The following INSR variants were observed in gnomAD, a reference collection of about 807,000 sequenced individuals.
The protein encoded by INSR is insulin receptor, also known as IR.
Under a neutral mutation model 142.6 loss-of-function variants are expected in INSR, and 67 were observed. That is an observed-to-expected ratio of 0.47 (90% CI 0.39 to 0.58). The LOEUF (loss-of-function observed/expected upper bound fraction) is 0.58, where lower values mean the gene tolerates loss of function less well. Ranked by LOEUF, INSR falls within the 20% of genes least tolerant of loss-of-function variation. The pLI is 0.00. For synonymous variants in INSR, 756 were observed against 743.1 expected (o/e 1.02, Z -0.28); for missense variants, 1,248 against 1,833.2 (o/e 0.68, Z 5.83).
rs1046835448 is a variant in INSR at position 7,197,819 on chromosome 19, CGAGA to C, written c.653-13186_653-13183del. ...GTCGGTTCCAGAGTGGGAGAGAGAG[CGAGA>C]GAGAGAGAGAACGAGAGAGAGAGAG... is the stretch of plus-strand genomic sequence containing the variant. On this transcript the variant is annotated intron_variant, in intron 2 of 21. Coordinates refer to ENST00000302850, the MANE Select transcript of INSR (RefSeq NM_000208.4). 2.9e-4 allele frequency among the ~76,000 whole-genome samples: 22 copies of C among 75,788 alleles called. 2 individuals carry two copies. Among genetic ancestry groups the C allele is most frequent in the East Asian group, 1.3e-3 (4 of 3,006 alleles). The allele number at this position is 75,788 out of a possible 152,430, so 49.7% of individuals were successfully genotyped here.
chr19:7,189,636 A>C (rs2145004212), intron 2 of INSR, among the ~76,000 whole-genome samples: 1 of 152,146 alleles, frequency 6.6e-6, no homozygotes, highest in African/African-American at 2.4e-5. Context: ...GCACTAGTTA[A>C]ATGTACCTGT....
chr19:7,239,855 C>T (rs1448789941), intron 2 of INSR, among the ~76,000 whole-genome samples: 1 of 152,088 alleles, frequency 6.6e-6, no homozygotes, highest in East Asian at 1.9e-4. Context: ...CTTAAGAACT[C>T]ATGCAGCAGG....
chr19:7,155,654 T>C (rs1393048714), intron 9 of INSR, among the ~76,000 whole-genome samples: 3 of 150,968 alleles, frequency 2.0e-5, no homozygotes, highest in Non-Finnish European at 4.4e-5. Context: ...GGCTCTTGCC[T>C]GTAATACCAG....
chr19:7,126,389 G>A (rs1323799842), intron 16 of INSR, among the ~76,000 whole-genome samples, 195 bp downstream of exon 16: 1 of 152,242 alleles, frequency 6.6e-6, no homozygotes, highest in Non-Finnish European at 1.5e-5. Context: ...ATTCAGGCAG[G>A]TGCCAAATAC....
intron 2 of INSR, among the ~76,000 whole-genome samples, chr19:7,253,111 C>CAAA (rs534566042): frequency 0.28 from 37,614 of 136,418 alleles, 5,313 homozygotes; most frequent in East Asian, 0.46. Flanking sequence ...GAGACTCCGC[C>CAAA]AAAAAAAAAA....
chr19:7,219,507 G>GGGAAGGAAGGAGGGAGGGAA (rs1329219543), intron 2 of INSR, among the ~76,000 whole-genome samples: 1 of 129,038 alleles, frequency 7.7e-6, no homozygotes, highest in African/African-American at 2.9e-5. Context: ...GAGGGAGGGA[G>GGGAAGGAAGGAGGGAGGGAA]GGAACGAAGG....
chr19:7,162,745 G>A (rs1031229945), intron 9 of INSR, among the ~76,000 whole-genome samples: 6 of 152,048 alleles, frequency 3.9e-5, no homozygotes, highest in South Asian at 4.2e-4. Context: ...ACTTGAACCC[G>A]AGAGGTGGAG....
intron 3 of INSR, among the ~76,000 whole-genome samples, chr19:7,175,290 G>A (rs1340077974): frequency 6.6e-6 from 1 of 152,138 alleles, no homozygotes; most frequent in Admixed American, 6.6e-5. Flanking sequence ...AAGGAGGGAG[G>A]GTTGCTTGAG....
At chr19:7,278,293 A>G (rs1017824263) in intron 1 of INSR, among the ~76,000 whole-genome samples, 2 of 152,120 alleles carry the variant, frequency 1.3e-5, no homozygotes, top group Non-Finnish European at 2.9e-5. Context: ...CCAGAAACTT[A>G]TCATGTCATT....
chr19:7,229,663 C>A (rs942815705), intron 2 of INSR, among the ~76,000 whole-genome samples: 2 of 151,524 alleles, frequency 1.3e-5, no homozygotes, highest in African/African-American at 4.9e-5. Context: ...TTTCTTGGAA[C>A]TTAGCTACAG....
rs188349913 is a variant in INSR at position 7,186,850 on chromosome 19, G to A, written c.653-2213C>T. ...CTCCAGAGTAGCTGGGATTACAGAC[G>A]CCCACCACCACACCCAGCTAATTTT... is the stretch of plus-strand genomic sequence containing the variant. On this transcript the variant is annotated intron_variant, in intron 2 of 21. Coordinates refer to ENST00000302850, the MANE Select transcript of INSR (RefSeq NM_000208.4). 2.4e-3 allele frequency among the ~76,000 whole-genome samples: 365 copies of A among 151,622 alleles called. 1 individual carries two copies. Among genetic ancestry groups the A allele is most frequent in the Admixed American group, 6.2e-3 (94 of 15,178 alleles).
chr19:7,163,656 G>C (rs988589512), intron 8 of INSR, among the ~76,000 whole-genome samples: 1 of 151,898 alleles, frequency 6.6e-6, no homozygotes. Flanking sequence ...GAGGGAGCTG[G>C]GGATGGGGAG....
intron 11 of INSR, among the ~76,000 whole-genome samples, chr19:7,148,477 CTTTTTTT>C (rs71177160): frequency 2.1e-5 from 2 of 95,046 alleles, no homozygotes; most frequent in African/African-American, 4.5e-5. Flanking sequence ...TGTATTTATT[CTTTTTTT>C]TTTTTTTTTT....
At chr19:7,185,329 G>A (rs981183679) in intron 2 of INSR, among the ~76,000 whole-genome samples, 1 of 152,174 alleles carries the variant, frequency 6.6e-6, no homozygotes, top group Non-Finnish European at 1.5e-5. Context: ...CACCCCACAT[G>A]TGAAGTAGAT....
At position 7,216,566 on chromosome 19, in the gene INSR, G is replaced by A. The variant is rs1975439383; in HGVS notation, c.653-31929C>T. Among the ~76,000 whole-genome samples, 1 of 152,114 alleles carries A rather than the reference G, an allele frequency of 6.6e-6. No individual in the cohort carries two copies. The highest frequency in any genetic ancestry group is 1.5e-5 in the Non-Finnish European group (1 of 68,026). ...AAAATGCAGGCCCCTTGTATCCAGG[G>A]GGTCTGGGAAGGAACAAATTGCCAC... is the stretch of plus-strand genomic sequence containing the variant. On this transcript the variant is annotated intron_variant, in intron 2 of 21. Transcript: ENST00000302850. This position sits in a 1 kb window ranked among gnomAD's most constrained non-coding sequence, Gnocchi z 4.2.
At chr19:7,207,935 A>AGGAAG (rs2145064321) in intron 2 of INSR, among the ~76,000 whole-genome samples, 1 of 119,214 alleles carries the variant, frequency 8.4e-6, no homozygotes, top group African/African-American at 3.3e-5. Context: ...GAAGGAAGGA[A>AGGAAG]GGAAGGGAAG....
chr19:7,119,638 ACGCGCG>A lies in INSR; in HGVS notation c.3660-61_3660-56del. ...AGAAGCCATTTAGACACACACACAC[ACGCGCG>A]CGCGCAAACACACACACGCAAACGC... On this transcript the variant is annotated intron_variant, in intron 20 of 21. Coordinates refer to ENST00000302850, the MANE Select transcript of INSR (RefSeq NM_000208.4). This position sits in a 1 kb window ranked among gnomAD's most constrained non-coding sequence, Gnocchi z 5.2. 1.9e-6 allele frequency: 3 copies of A among 1,567,616 alleles called. No individual in the cohort carries two copies. Among genetic ancestry groups the A allele is most frequent in the East Asian group, 2.3e-5 (1 of 44,418 alleles).
chr19:7,213,454 C>T (rs556967231), intron 2 of INSR, among the ~76,000 whole-genome samples: 3 of 152,188 alleles, frequency 2.0e-5, no homozygotes, highest in Non-Finnish European at 4.4e-5. Flanking sequence ...TTGCTTCTCT[C>T]CCCCAAGGAA....
chr19:7,206,361 C>T (rs936258055), intron 2 of INSR, among the ~76,000 whole-genome samples: 1 of 152,088 alleles, frequency 6.6e-6, no homozygotes, highest in Non-Finnish European at 1.5e-5. Context: ...TTTGAGCAGA[C>T]GGGGTTTGGC....
Sources: gnomAD v4.1 joint callset for allele counts (sites outside exome capture counted in the v4.1 genomes callset) on GRCh38, gnomAD v4.1.1 for gene constraint, Gnocchi (gnomAD v3.1) non-coding constraint, MANE v1.5 for transcripts, NCBI Gene and HGNC (gene_info 2026-07-23, HGNC 2026-07-21) for gene names.